Variants in LTBP1 observed in about 807,000 individuals in gnomAD.
The protein encoded by LTBP1 is latent transforming growth factor beta binding protein 1.
LTBP1 carries 129 observed loss-of-function variants against 207.6 expected under a neutral mutation model. The ratio of observed to expected loss-of-function variants is 0.62; its 90% CI spans 0.54 to 0.72. LTBP1 has a LOEUF of 0.72. Ranked by LOEUF, LTBP1 falls within the 30% of genes least tolerant of loss-of-function variation. The pLI, the probability that LTBP1 is intolerant of heterozygous loss-of-function variation, is 0.00. For synonymous variants in LTBP1, 963 were observed against 833.7 expected (o/e 1.16, Z -2.67); for missense variants, 2,281 against 2,217.2 (o/e 1.03, Z -0.58).
chr2:33,209,364 T>G (rs2090124700), intron 7 of LTBP1, among the ~76,000 whole-genome samples: 1 of 152,178 alleles, frequency 6.6e-6, no homozygotes, highest in Non-Finnish European at 1.5e-5. Context: ...CACAGTGAGC[T>G]CCATTGCTGT....
intron 10 of LTBP1, among the ~76,000 whole-genome samples, chr2:33,247,860 G>A (rs1242292766): frequency 2.0e-5 from 3 of 152,246 alleles, no homozygotes; most frequent in Non-Finnish European, 4.4e-5. Context: ...AGCCAAATGG[G>A]TTAATTACTG....
chr2:33,246,592 C>T (rs2092520879), intron 10 of LTBP1, among the ~76,000 whole-genome samples: 1 of 152,070 alleles, frequency 6.6e-6, no homozygotes. Context: ...AAATGGAGGA[C>T]AAATGACAAC....
At chr2:33,200,372 G>A (rs544328058) in intron 7 of LTBP1, among the ~76,000 whole-genome samples, 138 of 152,228 alleles carry the variant, frequency 9.1e-4, no homozygotes, top group African/African-American at 3.2e-3. Context: ...ACAAGCAATG[G>A]GGAAAGGATT....
intron 2 of LTBP1, among the ~76,000 whole-genome samples, chr2:32,950,710 C>T (rs1244640718): frequency 1.3e-5 from 2 of 152,078 alleles, no homozygotes; most frequent in African/African-American, 4.8e-5. Context: ...AGAGAGACTC[C>T]ATCTCAAGAA....
chr2:33,148,412 G>A (rs1031010194), intron 5 of LTBP1, among the ~76,000 whole-genome samples: 1 of 152,138 alleles, frequency 6.6e-6, no homozygotes, highest in Admixed American at 6.5e-5. Context: ...GAATTGTCCA[G>A]ATTTGACTTA....
At chr2:33,014,133 G>A (rs1052332938) in intron 2 of LTBP1, among the ~76,000 whole-genome samples, 5 of 152,144 alleles carry the variant, frequency 3.3e-5, no homozygotes, top group African/African-American at 1.2e-4. Flanking sequence ...AAGGATGAAA[G>A]ACCTGTAAAG....
chr2:33,193,972 CTTTA>C lies in LTBP1; in HGVS notation c.1701+5129_1701+5132del, dbSNP rs983569291. Among the ~76,000 whole-genome samples, 28 of 150,688 alleles carry C rather than the reference CTTTA, an allele frequency of 1.9e-4. No homozygotes were observed. The South Asian group carries it at 3.3e-3, about 18-fold the overall frequency. ...GGAAGAAGGAGTCACACATCTCTCA[CTTTA>C]TTTATTTTTATTTATTTATTTATTT... On this transcript the variant is annotated intron_variant, in intron 7 of 33. Coordinates refer to ENST00000404816, the MANE Select transcript of LTBP1 (RefSeq NM_206943.4).
chr2:32,986,038 A>T (rs986426756), intron 2 of LTBP1, among the ~76,000 whole-genome samples: 3 of 152,140 alleles, frequency 2.0e-5, no homozygotes, highest in African/African-American at 7.2e-5. Context: ...TGTTCCTTTT[A>T]TCTCTCCTGT....
intron 3 of LTBP1, among the ~76,000 whole-genome samples, chr2:33,029,666 C>T (rs72791773): frequency 0.11 from 16,122 of 152,184 alleles, 943 homozygotes; most frequent in Middle Eastern, 0.13. Flanking sequence ...ATGACTTGAA[C>T]CCAGGCTTCC....
intron 2 of LTBP1, among the ~76,000 whole-genome samples, chr2:32,973,927 G>T (rs190864663): frequency 3.3e-4 from 50 of 152,222 alleles, no homozygotes; most frequent in Middle Eastern, 3.4e-3. Flanking sequence ...CAAATGACTG[G>T]ATTTTATTCT....
intron 5 of LTBP1, among the ~76,000 whole-genome samples, chr2:33,179,937 A>G (rs537789712): frequency 3.8e-4 from 58 of 152,152 alleles, no homozygotes; most frequent in African/African-American, 1.4e-3. Context: ...TGTATCTGAA[A>G]CCCAGCTTGT....
intron 31 of LTBP1, among the ~76,000 whole-genome samples, chr2:33,368,032 C>A (rs759927079): frequency 2.0e-5 from 3 of 151,998 alleles, no homozygotes; most frequent in African/African-American, 7.2e-5. Context: ...CTGGCTAACA[C>A]AGTGAAACCC....
chr2:33,107,664 G>T (rs553721307), intron 3 of LTBP1, among the ~76,000 whole-genome samples: 1 of 152,236 alleles, frequency 6.6e-6, no homozygotes, highest in East Asian at 1.9e-4. Context: ...CACCAGTGTG[G>T]CTGTACGATT....
At chr2:33,219,857 T>G (rs1395569152) in intron 8 of LTBP1, among the ~76,000 whole-genome samples, 1 of 152,168 alleles carries the variant, frequency 6.6e-6, no homozygotes, top group Non-Finnish European at 1.5e-5. Flanking sequence ...TACTGTCCTT[T>G]TATTTTTTTT....
At chr2:33,365,626 C>CGTGTGTGTGTGTGTGTGTGTGT (rs144867482) in intron 31 of LTBP1, 123 bp downstream of exon 31, 2 of 711,152 alleles carry the variant, frequency 2.8e-6, no homozygotes, top group African/African-American at 1.9e-5. Context: ...ACTTTCATCC[C>CGTGTGTGTGTGTGTGTGTGTGT]GTGTGTGTGT....
At chr2:33,300,683 C>A in intron 21 of LTBP1, 110 bp downstream of exon 21, 1 of 1,097,754 alleles carries the variant, frequency 9.1e-7, no homozygotes, top group Non-Finnish European at 1.2e-6. Flanking sequence ...CAGATAATTG[C>A]ATTATAGTGC....
chr2:33,188,849 C>A lies in LTBP1; in HGVS notation c.1699C>A (p.Gln567Lys). The part of the protein sequence containing the change: ...GRCFQETIGS[Q>K]CGKALPGLSK... ...GTGCTTCCAGGAAACCATTGGGTCA[C>A]AGGTAAACATCATCACCGAGCCTGC... is the stretch of plus-strand genomic sequence containing the variant. Residue 567 changes from glutamine to lysine, a missense_variant and splice_region_variant, in exon 7 of 34, where the codon CAG becomes AAG. By Grantham distance (53) the Gln-to-Lys change is moderately conservative. This residue lies in a region of LTBP1 where 1,671 missense variants were observed against 1,634.8 expected (regional missense o/e 1.02). Coordinates refer to ENST00000404816, the MANE Select transcript of LTBP1 (RefSeq NM_206943.4). 1 of 1,613,874 alleles carries A rather than the reference C, an allele frequency of 6.2e-7. No individual in the cohort carries two copies. Among genetic ancestry groups the A allele is most frequent in the Non-Finnish European group, 8.5e-7 (1 of 1,179,850 alleles).
chr2:33,271,527 A>C (rs1390700768), intron 15 of LTBP1, among the ~76,000 whole-genome samples: 2 of 152,222 alleles, frequency 1.3e-5, no homozygotes, highest in African/African-American at 4.8e-5. Context: ...GTCCATGAGT[A>C]TAACCTGGTG....
chr2:33,228,798 C>G (rs2149518938), intron 9 of LTBP1, among the ~76,000 whole-genome samples: 1 of 146,474 alleles, frequency 6.8e-6, no homozygotes, highest in East Asian at 2.1e-4. Flanking sequence ...CTCCTGGGTT[C>G]AAGCGATTCC....
Sources: allele counts gnomAD v4.1 joint callset (sites outside exome capture counted in the v4.1 genomes callset), GRCh38; gene constraint gnomAD v4.1.1; regional missense constraint gnomAD v4.1.1; transcripts MANE v1.5; gene names NCBI Gene and HGNC (gene_info 2026-07-23, HGNC 2026-07-21).